Variants in PTPN4 observed in about 807,000 individuals in gnomAD.
PTPN4 encodes tyrosine-protein phosphatase non-receptor type 4.
A neutral mutation model predicts 135.5 loss-of-function variants in PTPN4; 49 were observed. That is an observed-to-expected ratio of 0.36 (90% CI 0.29 to 0.46). The LOEUF (loss-of-function observed/expected upper bound fraction) is 0.46, where lower values mean the gene tolerates loss of function less well. Ranked by LOEUF, PTPN4 falls within the 20% of genes least tolerant of loss-of-function variation. The pLI is 1.00. For missense variants in PTPN4, 860 were observed against 1,101.0 expected, an observed-to-expected ratio of 0.78 and a Z score of 3.10; for synonymous variants, 333 against 369.9, an observed-to-expected ratio of 0.90 and a Z score of 1.14.
At chr2:119,938,818 CT>C (rs200581246) in intron 15 of PTPN4, among the ~76,000 whole-genome samples, 161 of 144,958 alleles carry the variant, frequency 1.1e-3, no homozygotes, top group East Asian at 1.0e-3. Context: ...TTCTGAGAAA[CT>C]TTTTTTTTTT....
At chr2:119,904,740 T>C (rs945113076) in intron 10 of PTPN4, among the ~76,000 whole-genome samples, 4 of 152,212 alleles carry the variant, frequency 2.6e-5, no homozygotes, top group African/African-American at 9.7e-5. Flanking sequence ...TATGGTGGTA[T>C]ATTCAAACTG....
chr2:119,943,140 A>G (rs146893990), intron 15 of PTPN4, among the ~76,000 whole-genome samples: 1 of 152,220 alleles, frequency 6.6e-6, no homozygotes, highest in Non-Finnish European at 1.5e-5. Flanking sequence ...GAAAGACTCT[A>G]ATCTCTCCTA....
intron 1 of PTPN4, among the ~76,000 whole-genome samples, chr2:119,802,124 C>T (rs1291129294): frequency 3.9e-5 from 6 of 152,046 alleles, no homozygotes; most frequent in Admixed American, 1.3e-4. Flanking sequence ...AGGATGGTCT[C>T]GATCTCTTGA....
At chr2:119,821,193 A>G (rs887072900) in intron 2 of PTPN4, among the ~76,000 whole-genome samples, 3 of 151,392 alleles carry the variant, frequency 2.0e-5, no homozygotes, top group South Asian at 2.1e-4. Flanking sequence ...CCCAGGTTCA[A>G]GTGATTCTTC....
chr2:119,888,586 A>T (rs535916198), intron 9 of PTPN4, among the ~76,000 whole-genome samples: 1 of 152,192 alleles, frequency 6.6e-6, no homozygotes, highest in African/African-American at 2.4e-5. Context: ...AGATGGTTAT[A>T]TGGTTTTTAT....
intron 14 of PTPN4, among the ~76,000 whole-genome samples, chr2:119,933,096 A>G (rs988820672): frequency 2.0e-5 from 3 of 152,174 alleles, no homozygotes; most frequent in African/African-American, 4.8e-5. Flanking sequence ...TATGTACTTC[A>G]GTCTGACATT....
intron 1 of PTPN4, among the ~76,000 whole-genome samples, chr2:119,774,808 C>T (rs1690801129): frequency 1.3e-5 from 2 of 151,860 alleles, no homozygotes; most frequent in South Asian, 2.1e-4. Flanking sequence ...GGGCAGATCA[C>T]GAGGTCGGGA....
At chr2:119,783,156 TATTC>T (rs1167885127) in intron 1 of PTPN4, among the ~76,000 whole-genome samples, 2 of 152,220 alleles carry the variant, frequency 1.3e-5, no homozygotes, top group Non-Finnish European at 2.9e-5. Flanking sequence ...CACTCATTCG[TATTC>T]ATTCATTTTT....
chr2:119,879,475 C>G (rs1009721196), intron 5 of PTPN4, among the ~76,000 whole-genome samples: 13 of 152,046 alleles, frequency 8.6e-5, no homozygotes, highest in African/African-American at 3.1e-4. Context: ...ATTTTACTAC[C>G]ATAGTGTATA....
chr2:119,962,086 A>G (rs1474441381), intron 23 of PTPN4, among the ~76,000 whole-genome samples: 1 of 152,208 alleles, frequency 6.6e-6, no homozygotes, highest in Non-Finnish European at 1.5e-5. Context: ...AAAAAATCTT[A>G]AGATTTAATG....
At chr2:119,856,240 C>T (rs1222490292) in intron 2 of PTPN4, among the ~76,000 whole-genome samples, 3 of 152,170 alleles carry the variant, frequency 2.0e-5, no homozygotes, top group Non-Finnish European at 2.9e-5. Context: ...GCTCCTGTTG[C>T]GTTTTCCTCC....
At chr2:119,865,558 G>C (rs1356619727) in intron 3 of PTPN4, among the ~76,000 whole-genome samples, 3 of 152,016 alleles carry the variant, frequency 2.0e-5, no homozygotes, top group African/African-American at 7.2e-5. Context: ...TGCTTCCCAA[G>C]TGATGATGAT....
intron 2 of PTPN4, among the ~76,000 whole-genome samples, chr2:119,855,427 T>C (rs1379254816): frequency 6.6e-6 from 1 of 152,188 alleles, no homozygotes; most frequent in East Asian, 1.9e-4. Flanking sequence ...TATAGCCCTG[T>C]TCCTTGAAGG....
intron 1 of PTPN4, 59 bp downstream of exon 1, chr2:119,760,443 TTACCTGCATGTGTGGCTCCTGGGAGG>T: frequency 2.6e-6 from 1 of 389,046 alleles, no homozygotes; most frequent in Non-Finnish European, 4.5e-6. Flanking sequence ...CGGGAGGCTC[TTACCTGCATGTGTGGCTCCTGGGAGG>T]TGAGCCAGGT....
Position 119,984,390 on chromosome 2 carries a change from T to C in PTPN4, c.*7320T>C, listed in dbSNP as rs1679735707. On this transcript the variant is annotated 3_prime_UTR_variant, in exon 27 of 27. Transcript: ENST00000263708. ...TTATGTCATAATTAAGATACAATTA[T>C]TCATTTCATGTTTGATTCTATTAAA... Among the ~76,000 whole-genome samples the C allele has an allele frequency of 6.6e-6, 1 of 152,226 alleles. No individual in the cohort carries two copies. The highest frequency in any genetic ancestry group is 6.5e-5 in the Admixed American group (1 of 15,272).
At chr2:119,879,766 C>T (rs1678043889) in intron 5 of PTPN4, among the ~76,000 whole-genome samples, 1 of 152,032 alleles carries the variant, frequency 6.6e-6, no homozygotes, top group Non-Finnish European at 1.5e-5. Flanking sequence ...GTTTAGACCC[C>T]AGGAAACAGG....
intron 15 of PTPN4, among the ~76,000 whole-genome samples, chr2:119,936,358 G>T (rs1004774989): frequency 5.3e-5 from 8 of 152,116 alleles, no homozygotes; most frequent in African/African-American, 1.9e-4. Flanking sequence ...ATATGGTTTG[G>T]CTCTGTGTCC....
chr2:119,860,991 A>C (rs1487089250), intron 2 of PTPN4, among the ~76,000 whole-genome samples: 3 of 151,852 alleles, frequency 2.0e-5, no homozygotes, highest in Non-Finnish European at 4.4e-5. Context: ...CAGTGAGCCA[A>C]GATCAGATTG....
Position 119,970,918 on chromosome 2 carries a change from T to C in PTPN4, c.2694+2946T>C, listed in dbSNP as rs796871206. On this transcript the variant is annotated intron_variant, in intron 26 of 26. Transcript: ENST00000263708. ...ATTTTGCAGTTCCTCTAGCAGTGTATGTGGCTTTTGTTTTCTTCACATCAT... is the reference window on the plus strand; with the variant it reads ...ATTTTGCAGTTCCTCTAGCAGTGTACGTGGCTTTTGTTTTCTTCACATCAT... Among the ~76,000 whole-genome samples, 3 of 152,236 alleles carry C rather than the reference T, an allele frequency of 2.0e-5. No homozygotes were observed. The South Asian group carries it at 6.2e-4, about 32-fold the overall frequency.
Sources: gnomAD v4.1 joint callset for allele counts (sites outside exome capture counted in the v4.1 genomes callset) on GRCh38, gnomAD v4.1.1 for gene constraint, MANE v1.5 for transcripts, NCBI Gene and HGNC (gene_info 2026-07-23, HGNC 2026-07-21) for gene names.